Variants in RABGEF1 observed in about 807,000 individuals in gnomAD.
RABGEF1 encodes rab5 GDP/GTP exchange factor.
RABGEF1 carries 26 observed loss-of-function variants against 57.3 expected under a neutral mutation model. The ratio of observed to expected loss-of-function variants is 0.45; its 90% CI spans 0.33 to 0.63. RABGEF1 has a LOEUF of 0.63. Ranked by LOEUF, RABGEF1 falls within the 20% of genes least tolerant of loss-of-function variation. The pLI is 0.02. For synonymous variants in RABGEF1, 185 were observed against 210.7 expected (o/e 0.88, Z 1.06); for missense variants, 464 against 607.6 (o/e 0.76, Z 2.48).
At chr7:66,728,280 C>G (rs1307895888) in intron 2 of RABGEF1, among the ~76,000 whole-genome samples, 1 of 152,152 alleles carries the variant, frequency 6.6e-6, no homozygotes, top group Non-Finnish European at 1.5e-5. Context: ...CTTGGGGGGG[C>G]CACTGGGTCC....
chr7:66,755,894 T>A (rs1802590616), intron 1 of RABGEF1: 4 of 527,162 alleles, frequency 7.6e-6, no homozygotes, highest in Non-Finnish European at 1.3e-5. Context: ...TGGAATTATT[T>A]GTCCAAGCTA....
chr7:66,699,635 T>A (rs1453454348), intron 1 of RABGEF1, among the ~76,000 whole-genome samples: 1 of 151,586 alleles, frequency 6.6e-6, no homozygotes, highest in Admixed American at 6.6e-5. Flanking sequence ...GAGGTTTTGG[T>A]GAGCTGGGAT....
chr7:66,689,568 C>A (rs905928916), intron 1 of RABGEF1, among the ~76,000 whole-genome samples: 1 of 151,952 alleles, frequency 6.6e-6, no homozygotes, highest in Non-Finnish European at 1.5e-5. Context: ...TTTGGGAGGC[C>A]GAGGTGGGCA....
chr7:66,672,577 A>G, the RABGEF1 span, among the ~76,000 whole-genome samples: 1 of 152,192 alleles, frequency 6.6e-6, no homozygotes, highest in Admixed American at 6.5e-5. Flanking sequence ...AGGCTTGTCA[A>G]AGAGGATTAT....
At chr7:66,671,954 A>C in the RABGEF1 span, among the ~76,000 whole-genome samples, 5 of 151,202 alleles carry the variant, frequency 3.3e-5, no homozygotes, top group African/African-American at 1.2e-4. Context: ...GTAGCTGGGA[A>C]TAGAGGTGCA....
At chr7:66,702,545 G>A (rs1212621983) in intron 1 of RABGEF1, among the ~76,000 whole-genome samples, 2 of 151,958 alleles carry the variant, frequency 1.3e-5, no homozygotes, top group African/African-American at 4.8e-5. Context: ...GCTTTTTGAG[G>A]AGCTGCCACA....
the RABGEF1 span, among the ~76,000 whole-genome samples, chr7:66,655,246 A>G: frequency 6.6e-6 from 1 of 152,134 alleles, no homozygotes; most frequent in African/African-American, 2.4e-5. Flanking sequence ...AGAAGTCCCT[A>G]CTTCCGAACC....
the RABGEF1 span, among the ~76,000 whole-genome samples, chr7:66,657,324 A>G: frequency 6.6e-6 from 1 of 152,250 alleles, no homozygotes; most frequent in Non-Finnish European, 1.5e-5. Flanking sequence ...GAATGAAACT[A>G]GAAATCAGTA....
At chr7:66,702,267 A>G (rs766822247) in intron 1 of RABGEF1, among the ~76,000 whole-genome samples, 25 of 152,018 alleles carry the variant, frequency 1.6e-4, no homozygotes, top group Non-Finnish European at 2.9e-4. Flanking sequence ...ATTTCATTGT[A>G]TGGATAGACC....
At chr7:66,657,272 T>G in the RABGEF1 span, among the ~76,000 whole-genome samples, 1 of 152,120 alleles carries the variant, frequency 6.6e-6, no homozygotes, top group Non-Finnish European at 1.5e-5. Context: ...GTTTTAAAAG[T>G]TTGAAAGTAT....
chr7:66,783,424 A>G (rs1400857984), intron 3 of RABGEF1, among the ~76,000 whole-genome samples: 1 of 152,246 alleles, frequency 6.6e-6, no homozygotes, highest in Non-Finnish European at 1.5e-5. Context: ...GAAAATACTA[A>G]TAGAACAACT....
In RABGEF1 at chr7:66,726,239, G is replaced by A. The variant is rs6966029; in HGVS notation, c.-814-13757G>A. On this transcript the variant is annotated intron_variant and NMD_transcript_variant, in intron 2 of 9. Transcript: ENST00000607882. ...AGTGGGTGCTTATTCATATCTGCTG[G>A]GTGGTAGTGCCTCCAGTTCTGCAGT... is the stretch of plus-strand genomic sequence containing the variant. Among the ~76,000 whole-genome samples the A allele has an allele frequency of 5.4e-3, 821 of 152,314 alleles. 14 individuals are homozygous for A. The highest frequency in any genetic ancestry group is 0.018 in the African/African-American group (750 of 41,574).
chr7:66,668,497 C>T, the RABGEF1 span, among the ~76,000 whole-genome samples: 2 of 152,158 alleles, frequency 1.3e-5, no homozygotes, highest in Non-Finnish European at 2.9e-5. Context: ...GCAGGGGTGT[C>T]CCCAGATGGT....
the RABGEF1 span, among the ~76,000 whole-genome samples, chr7:66,675,510 T>C: frequency 6.6e-6 from 1 of 152,108 alleles, no homozygotes; most frequent in Admixed American, 6.6e-5. Context: ...TGGAAGCTTT[T>C]CCATTAAAAT....
intron 1 of RABGEF1, among the ~76,000 whole-genome samples, chr7:66,709,081 A>G (rs1794477430): frequency 6.6e-6 from 1 of 151,836 alleles, no homozygotes; most frequent in East Asian, 1.9e-4. Flanking sequence ...GCAATGGCAC[A>G]ATCTCGGCTC....
rs73377576 is a variant in RABGEF1 at position 66,718,896 on chromosome 7, C to T, written c.-815+6672C>T. ...TGACACTTTTCAGCTCCCAAGGGCC[C>T]CTCCCTAGTCCTTTAACTCTAAAGC... On this transcript the variant is annotated intron_variant and NMD_transcript_variant, in intron 2 of 9. Coordinates refer to the RABGEF1 transcript ENST00000607882. 1.7e-3 allele frequency among the ~76,000 whole-genome samples: 256 copies of T among 152,336 alleles called. 1 individual carries two copies. The highest frequency in any genetic ancestry group is 6.0e-3 in the African/African-American group (249 of 41,586).
intron 2 of RABGEF1, among the ~76,000 whole-genome samples, chr7:66,717,038 C>G (rs893765763): frequency 2.0e-5 from 3 of 152,366 alleles, no homozygotes; most frequent in Non-Finnish European, 4.4e-5. Context: ...CTCAGCCTCC[C>G]AAAGTGCTGG....
intron 4 of RABGEF1, among the ~76,000 whole-genome samples, chr7:66,794,207 AT>A (rs1174835014): frequency 0.25 from 23,119 of 91,328 alleles, 1,939 homozygotes; most frequent in Non-Finnish European, 0.27. Flanking sequence ...TCCATGTTTA[AT>A]TTTTTTTTTT....
intron 4 of RABGEF1, among the ~76,000 whole-genome samples, chr7:66,788,335 C>T (rs1811722638): frequency 6.6e-6 from 1 of 151,976 alleles, no homozygotes; most frequent in Non-Finnish European, 1.5e-5. Context: ...GTCCCAGCTA[C>T]TCGGGAGGCT....
Sources: allele counts gnomAD v4.1 joint callset (sites outside exome capture counted in the v4.1 genomes callset), GRCh38; gene constraint gnomAD v4.1.1; transcripts MANE v1.5; gene names NCBI Gene and HGNC (gene_info 2026-07-23, HGNC 2026-07-21).